DGCR2: variants seen among roughly 807,000 people sequenced by gnomAD.
The protein encoded by DGCR2 is DiGeorge syndrome critical region gene 2, also known as integral membrane protein DGCR2/IDD.
A neutral mutation model predicts 51.6 loss-of-function variants in DGCR2; 24 were observed. The ratio of observed to expected loss-of-function variants is 0.47; its 90% confidence interval spans 0.34 to 0.65. DGCR2 has a LOEUF of 0.65. Among genes scored for constraint, DGCR2 ranks in the 30% least tolerant of loss-of-function variants. The probability of loss-of-function intolerance (pLI) is 0.01; values close to 1 mark genes in which losing one functional copy is unlikely to be tolerated. For missense variants in DGCR2, 765 were observed against 772.1 expected, an observed-to-expected ratio of 0.99 and a Z score of 0.11; for synonymous variants, 340 against 315.4, an observed-to-expected ratio of 1.08 and a Z score of -0.82.
intron 5 of DGCR2, among the ~76,000 whole-genome samples, chr22:19,059,514 C>A (rs1051810588): frequency 6.6e-6 from 1 of 152,046 alleles, no homozygotes; most frequent in Non-Finnish European, 1.5e-5. Flanking sequence ...AGAGAAAGGC[C>A]CTGTGAGCAG....
At chr22:19,059,182 G>T (rs2082634033) in intron 5 of DGCR2, among the ~76,000 whole-genome samples, 1 of 152,232 alleles carries the variant, frequency 6.6e-6, no homozygotes, top group Non-Finnish European at 1.5e-5. Flanking sequence ...TATGAGAAAC[G>T]AGAGCTGTGA....
chr22:19,095,119 T>C (rs563839683), intron 1 of DGCR2, among the ~76,000 whole-genome samples: 4 of 152,258 alleles, frequency 2.6e-5, no homozygotes, highest in African/African-American at 4.8e-5. Flanking sequence ...TCCCAGCACT[T>C]TGGGAGGCTG....
intron 8 of DGCR2, 78 bp from the exon 9 acceptor site, chr22:19,041,372 C>G (rs906620811): frequency 1.4e-6 from 2 of 1,459,918 alleles, no homozygotes; most frequent in Non-Finnish European, 1.9e-6. Context: ...GCCCCCCACC[C>G]CCAGGCTGGG....
chr22:19,046,130 T>C (rs923602940), intron 7 of DGCR2: 19 of 152,248 alleles, frequency 1.2e-4, no homozygotes, highest in African/African-American at 4.6e-4. Flanking sequence ...GCTAACCTCC[T>C]AATGATATTG....
chr22:19,119,924 A>T (rs807750), intron 1 of DGCR2, among the ~76,000 whole-genome samples: 1 of 151,584 alleles, frequency 6.6e-6, no homozygotes, highest in Non-Finnish European at 1.5e-5. Context: ...GCTCTGACTG[A>T]TACCTTCCTC....
At chr22:19,098,092 AAT>A (rs2083161666) in intron 1 of DGCR2, among the ~76,000 whole-genome samples, 1 of 151,966 alleles carries the variant, frequency 6.6e-6, no homozygotes, top group South Asian at 2.1e-4. Flanking sequence ...TTAAAAAAAA[AAT>A]AGTTATCAAA....
chr22:19,072,674 A>G (rs912746693), intron 2 of DGCR2, among the ~76,000 whole-genome samples: 1 of 152,074 alleles, frequency 6.6e-6, no homozygotes, highest in Non-Finnish European at 1.5e-5. Flanking sequence ...AGAGATCAAG[A>G]CCATCCTGGC....
intron 5 of DGCR2, among the ~76,000 whole-genome samples, chr22:19,062,770 T>C (rs1055122717): frequency 8.4e-5 from 10 of 119,400 alleles, no homozygotes; most frequent in Non-Finnish European, 1.3e-4. Context: ...CACACACACA[T>C]GCATGCTCAC....
intron 3 of DGCR2, 122 bp from the exon 4 acceptor site, chr22:19,065,189 G>A: frequency 1.2e-6 from 1 of 810,700 alleles, no homozygotes; most frequent in Non-Finnish European, 2.0e-6. Context: ...GGAAACTGAG[G>A]CTCAAGAGGA....
At chr22:19,041,566 G>C (rs1184675554) in intron 8 of DGCR2, 2 of 595,146 alleles carry the variant, frequency 3.4e-6, no homozygotes, top group Admixed American at 6.1e-5. Flanking sequence ...CAGCTGGAAG[G>C]GTGATCCGGG....
chr22:19,041,611 C>A, intron 8 of DGCR2, 196 bp downstream of exon 8: 1 of 672,676 alleles, frequency 1.5e-6, no homozygotes. Context: ...GTTCTGCCCA[C>A]CCTGTGGCTC....
rs1310763170 is a variant in DGCR2, at chr22:19,037,083, A to G, written c.*1782T>C. 2.0e-5 allele frequency: 3 copies of G among 152,318 alleles called. No individual in the cohort carries two copies. In the East Asian group the frequency reaches 5.8e-4, roughly 29 times the overall value. The allele number at this position is 152,318 out of a possible 1,614,324, so 9.4% of individuals were successfully genotyped here. On this transcript the variant is annotated 3_prime_UTR_variant, in exon 10 of 10. Coordinates refer to ENST00000263196, the MANE Select transcript of DGCR2 (RefSeq NM_005137.3). ...GAACCTGGCTGCCCTGCCCCAGTGC[A>G]TGTGGGATCCACGGCATGCTTCCTG...
chr22:19,062,710 T>A (rs1352778801), intron 5 of DGCR2, among the ~76,000 whole-genome samples: 1 of 151,756 alleles, frequency 6.6e-6, no homozygotes. Flanking sequence ...CCATGTTTCC[T>A]TTACGTCGTC....
intron 1 of DGCR2, among the ~76,000 whole-genome samples, chr22:19,089,846 G>A (rs2083059093): frequency 6.6e-6 from 1 of 152,254 alleles, no homozygotes; most frequent in Non-Finnish European, 1.5e-5. Flanking sequence ...CTCCCGAAGT[G>A]CCAGGATTAC....
intron 7 of DGCR2, 56 bp from the exon 8 acceptor site, chr22:19,042,015 G>T (rs1047631212): frequency 2.7e-5 from 42 of 1,559,276 alleles, no homozygotes; most frequent in Non-Finnish European, 3.5e-5. Flanking sequence ...CTCGTGCTAC[G>T]CTGGGGATGC....
rs1569097369 is a variant in DGCR2, at chr22:19,122,352, C to CGCGGGCTGGCGCACACTCTCGGCT, written c.-170_-147dup. ...CGGCGGGAAAGAGCTTCGGCTGGGC[C>CGCGGGCTGGCGCACACTCTCGGCT]GCGGGCTGGCGCACACTCTCGGCTG... On this transcript the variant is annotated 5_prime_UTR_variant, in exon 1 of 10. Transcript: ENST00000263196. The CGCGGGCTGGCGCACACTCTCGGCT allele has an allele frequency of 3.5e-6, 2 of 568,606 alleles. No individual in the cohort carries two copies. Among genetic ancestry groups the CGCGGGCTGGCGCACACTCTCGGCT allele is most frequent in the African/African-American group, 4.0e-5 (2 of 50,112 alleles). The allele number at this position is 568,606 out of a possible 1,614,324, so 35.2% of individuals were successfully genotyped here. A position where few individuals can be genotyped will look rare whatever the true frequency, so the allele number is the denominator to read the frequency against.
chr22:19,063,165 C>A, intron 5 of DGCR2, 37 bp downstream of exon 5: 1 of 1,601,658 alleles, frequency 6.2e-7, no homozygotes, highest in Non-Finnish European at 8.6e-7. Context: ...GTGACTCTGC[C>A]CAGCTTCAAA....
At chr22:19,063,346 G>A (rs1408898466) in intron 4 of DGCR2, 68 bp from the exon 5 acceptor site, 4 of 1,462,908 alleles carry the variant, frequency 2.7e-6, no homozygotes. Flanking sequence ...ATGACTGTGT[G>A]TTTTTTGTTT....
Position 19,037,764 on chromosome 22 carries a change from T to G in DGCR2, c.*1101A>C, listed in dbSNP as rs2082386677. ...CACTGCCCAGGAGCAGGCAACAGGG[T>G]CCGTCAGGCAAAAGGGTGCCAGGAA... On this transcript the variant is annotated 3_prime_UTR_variant, in exon 10 of 10. Transcript: ENST00000263196. 6.6e-6 allele frequency: 1 copy of G among 152,378 alleles called. No homozygotes were observed. Among genetic ancestry groups the G allele is most frequent in the Non-Finnish European group, 1.5e-5 (1 of 68,048 alleles). The allele number at this position is 152,378 out of a possible 1,614,324, so 9.4% of individuals were successfully genotyped here.
Sources: allele counts gnomAD v4.1 joint callset (sites outside exome capture counted in the v4.1 genomes callset), GRCh38; gene constraint gnomAD v4.1.1; transcripts MANE v1.5; gene names NCBI Gene and HGNC (gene_info 2026-07-23, HGNC 2026-07-21).